The following DLGAP1 variants were observed in gnomAD, a reference collection of about 807,000 sequenced individuals.
DLGAP1 encodes the protein DLG associated protein 1, also known as disks large-associated protein 1.
In DLGAP1, 11 loss-of-function variants were observed where a neutral mutation model predicts 90.8. The ratio of observed to expected loss-of-function variants is 0.12; its 90% CI spans 0.08 to 0.20. The LOEUF is 0.20. DLGAP1 is among the 10% of genes least tolerant of loss of function. The pLI is 1.00. For missense variants in DLGAP1, 1,050 were observed against 1,333.8 expected, an observed-to-expected ratio of 0.79 and a Z score of 3.31; for synonymous variants, 558 against 540.7, an observed-to-expected ratio of 1.03 and a Z score of -0.44.
intron 6 of DLGAP1, among the ~76,000 whole-genome samples, chr18:3,730,212 C>T (rs1026520119): frequency 4.6e-5 from 7 of 152,148 alleles, no homozygotes; most frequent in African/African-American, 1.7e-4. Flanking sequence ...CTGATTGCAC[C>T]ACTGCATTCC....
chr18:4,247,802 TTCACAG>T (rs1026573510), intron 1 of DLGAP1, among the ~76,000 whole-genome samples: 58 of 152,228 alleles, frequency 3.8e-4, no homozygotes, highest in African/African-American at 1.4e-3. Context: ...CCATATATTT[TTCACAG>T]CAAGGTTTGG....
chr18:4,353,810 T>G (rs2081448587), intron 1 of DLGAP1, among the ~76,000 whole-genome samples: 1 of 152,130 alleles, frequency 6.6e-6, no homozygotes, highest in Non-Finnish European at 1.5e-5. Flanking sequence ...AAGTTTAGTG[T>G]TGGGCTAATC....
chr18:3,776,076 G>A (rs2064926198), intron 5 of DLGAP1, among the ~76,000 whole-genome samples: 2 of 152,138 alleles, frequency 1.3e-5, no homozygotes, highest in Non-Finnish European at 1.5e-5. Context: ...CAGGATTGAT[G>A]AGCAGAGAAA....
intron 1 of DLGAP1, among the ~76,000 whole-genome samples, chr18:4,354,852 G>T: frequency 8.3e-6 from 1 of 119,880 alleles, no homozygotes; most frequent in East Asian, 2.7e-4. Flanking sequence ...TAGAGGTACA[G>T]GCAGCCTCCT....
intron 4 of DLGAP1, among the ~76,000 whole-genome samples, chr18:3,842,871 A>G (rs990574936): frequency 6.6e-6 from 1 of 152,194 alleles, no homozygotes. Flanking sequence ...AGATGAGGTC[A>G]TATTAACAGT....
intron 3 of DLGAP1, among the ~76,000 whole-genome samples, chr18:3,994,444 T>C (rs2074029174): frequency 6.6e-6 from 1 of 152,170 alleles, no homozygotes; most frequent in Non-Finnish European, 1.5e-5. Context: ...CAGACCCTTC[T>C]CTAAATTCAC....
intron 5 of DLGAP1, among the ~76,000 whole-genome samples, chr18:3,784,649 C>A (rs1025199507): frequency 6.6e-6 from 1 of 152,154 alleles, no homozygotes; most frequent in African/African-American, 2.4e-5. Context: ...GGGGTGCCCA[C>A]ACAGAACTGC....
At chr18:3,880,811 T>C (rs1456414033) in intron 3 of DLGAP1, among the ~76,000 whole-genome samples, 4 of 151,242 alleles carry the variant, frequency 2.6e-5, no homozygotes, top group African/African-American at 9.7e-5. Context: ...GGCGTGGTGG[T>C]GGGTGCCTGT....
intron 1 of DLGAP1, among the ~76,000 whole-genome samples, chr18:4,339,951 C>A (rs948341471): frequency 2.5e-4 from 38 of 152,196 alleles, no homozygotes; most frequent in African/African-American, 8.4e-4. Flanking sequence ...TATATTTAAA[C>A]CCTTAACTCT....
intron 5 of DLGAP1, among the ~76,000 whole-genome samples, chr18:3,751,180 G>A (rs574336575): frequency 2.0e-5 from 3 of 152,174 alleles, no homozygotes; most frequent in Admixed American, 6.5e-5. Context: ...CCTTTATGCC[G>A]GGCACTGTCT....
intron 7 of DLGAP1, among the ~76,000 whole-genome samples, chr18:3,661,229 T>G (rs1027731361): frequency 6.6e-6 from 1 of 152,184 alleles, no homozygotes; most frequent in Non-Finnish European, 1.5e-5. Context: ...TTAACATGAC[T>G]GCAAAACCCT....
chr18:4,105,937 C>T (rs1332586711), intron 2 of DLGAP1, among the ~76,000 whole-genome samples: 1 of 146,534 alleles, frequency 6.8e-6, no homozygotes, highest in African/African-American at 2.5e-5. Context: ...GAGGCCGAGG[C>T]AGGAGAATGG....
At chr18:4,184,220 G>A (rs12458541) in intron 1 of DLGAP1, among the ~76,000 whole-genome samples, 8,387 of 152,166 alleles carry the variant, frequency 0.055, 451 homozygotes, top group South Asian at 0.26. Context: ...ACCTAAATTT[G>A]CTTCTGCACA....
chr18:4,398,773 A>T (rs755306163), intron 1 of DLGAP1, among the ~76,000 whole-genome samples: 6 of 152,130 alleles, frequency 3.9e-5, no homozygotes, highest in Non-Finnish European at 8.8e-5. Context: ...ACCTGGAAGA[A>T]TTTTTAGAGT....
chr18:4,422,709 C>T (rs1447465514), intron 1 of DLGAP1, among the ~76,000 whole-genome samples: 1 of 151,980 alleles, frequency 6.6e-6, no homozygotes. Context: ...TGTGAACCAC[C>T]TTAGCAAAAA....
chr18:3,835,521 C>T (rs149554090), intron 4 of DLGAP1, among the ~76,000 whole-genome samples: 188 of 151,736 alleles, frequency 1.2e-3, no homozygotes, highest in African/African-American at 4.4e-3. Context: ...TGGTGGCGCG[C>T]GACTGTAGTT....
chr18:3,690,082 G>T (rs1167269552), intron 7 of DLGAP1, among the ~76,000 whole-genome samples: 1 of 149,164 alleles, frequency 6.7e-6, no homozygotes, highest in African/African-American at 2.5e-5. Flanking sequence ...AGTACCCTGC[G>T]GGCTGGGTGA....
intron 6 of DLGAP1, among the ~76,000 whole-genome samples, chr18:3,731,131 T>C (rs2062410008): frequency 6.6e-6 from 1 of 152,120 alleles, no homozygotes; most frequent in Non-Finnish European, 1.5e-5. Flanking sequence ...AGCAAATATA[T>C]ATGTGTGTAT....
intron 3 of DLGAP1, among the ~76,000 whole-genome samples, chr18:3,954,517 A>T (rs983431299): frequency 2.6e-5 from 4 of 152,382 alleles, no homozygotes; most frequent in South Asian, 4.1e-4. Flanking sequence ...ATTTCACACA[A>T]GAAGGTGTCA....
Sources: gnomAD v4.1 joint callset for allele counts (sites outside exome capture counted in the v4.1 genomes callset) on GRCh38, gnomAD v4.1.1 for gene constraint, MANE v1.5 for transcripts, NCBI Gene and HGNC (gene_info 2026-07-23, HGNC 2026-07-21) for gene names.